The following IDO1 variants were observed in gnomAD, a reference collection of about 807,000 sequenced individuals.
The protein encoded by IDO1 is indoleamine 2,3-dioxygenase 1.
IDO1 carries 35 observed loss-of-function variants against 38.8 expected under a neutral mutation model. The observed-to-expected ratio is 0.90, with a 90% CI of 0.69 to 1.20. IDO1 has a LOEUF of 1.20. IDO1 is among the 50% of genes most tolerant of loss of function. IDO1 has a pLI of 0.00. For missense variants in IDO1, 509 were observed against 485.1 expected (o/e 1.05, Z -0.46); for synonymous variants, 171 against 170.0 (o/e 1.01, Z -0.05).
rs370645816 is a variant in IDO1, at chr8:39,928,602, G to A, written c.*417G>A. On this transcript the variant is annotated 3_prime_UTR_variant, in exon 10 of 10. Transcript: ENST00000518237. Reference sequence around the variant, plus strand: ...CAAAAAATTAGCCGGGCGCGGTGGCGGGCACCTGTAGTCCCAGCTACTCGG... The same window carrying A: ...CAAAAAATTAGCCGGGCGCGGTGGCAGGCACCTGTAGTCCCAGCTACTCGG... 9.7e-4 allele frequency among the ~76,000 whole-genome samples: 147 copies of A among 151,900 alleles called. 5 individuals are homozygous for A. In the East Asian group the frequency reaches 0.024, roughly 25 times the overall value.
In IDO1 at chr8:39,922,655, C is replaced by T. The variant is rs551433293; in HGVS notation, c.537+4C>T. 2.7e-4 allele frequency: 436 copies of T among 1,590,366 alleles called. 6 individuals are homozygous for T. In the South Asian group the frequency reaches 4.5e-3, roughly 16 times the overall value. On this transcript the variant is annotated splice_donor_region_variant and intron_variant, in intron 6 of 9. Coordinates refer to ENST00000518237, the MANE Select transcript of IDO1 (RefSeq NM_002164.6). ...AGCAGCTGCTTCTGCAATCAAAGTACGTCTATCCTCACTTCAAAATTTATA... is the reference window on the plus strand; with the variant it reads ...AGCAGCTGCTTCTGCAATCAAAGTATGTCTATCCTCACTTCAAAATTTATA...
At chr8:39,916,341 A>G (rs112923421) in intron 1 of IDO1, among the ~76,000 whole-genome samples, 1,519 of 151,766 alleles carry the variant, frequency 0.01, 26 homozygotes, top group African/African-American at 0.034. Flanking sequence ...ATTACCCAGC[A>G]TGTTGGTGTG....
chr8:39,925,129 C>T (rs1163523384), intron 8 of IDO1, 94 bp from the exon 9 acceptor site: 2 of 1,168,584 alleles, frequency 1.7e-6, no homozygotes, highest in African/African-American at 1.6e-5. Context: ...TCTCTTGTCA[C>T]CTTCTGTTCA....
chr8:39,915,471 T>C (rs975310799), intron 1 of IDO1, among the ~76,000 whole-genome samples: 1 of 152,218 alleles, frequency 6.6e-6, no homozygotes, highest in Non-Finnish European at 1.5e-5. Flanking sequence ...GTAAACAATT[T>C]GGTGATACTG....
intron 2 of IDO1, 57 bp from the exon 3 acceptor site, chr8:39,918,031 T>A: frequency 6.2e-7 from 1 of 1,612,118 alleles, no homozygotes; most frequent in Non-Finnish European, 8.5e-7. Flanking sequence ...TAACTTGGTT[T>A]TGAAGCATAA....
Position 39,925,304 on chromosome 8 carries a change from T to A in IDO1, c.789T>A (p.Ser263Arg), listed in dbSNP as rs1212532384. 3 of 1,613,158 alleles carry A rather than the reference T, an allele frequency of 1.9e-6. No homozygotes were observed. The African/African-American group carries it at 4.0e-5, about 22-fold the overall frequency. The change falls in exon 9 of 10, where the codon AGT becomes AGA. Residue 263 changes from serine (S) to arginine (R), a missense_variant. By Grantham distance (110) the Ser-to-Arg change is moderately radical (BLOSUM62 -1). Coordinates refer to ENST00000518237, the MANE Select transcript of IDO1 (RefSeq NM_002164.6). ...ACCCAAAGGAGTTTGCAGGGGGCAG[T>A]GCAGGCCAAAGCAGCGTCTTTCAGT... ...WEDPKEFAGG[S>R]AGQSSVFQCF...
At chr8:39,926,235 TTGGC>T (rs1807358083) in intron 9 of IDO1, among the ~76,000 whole-genome samples, 1 of 152,184 alleles carries the variant, frequency 6.6e-6, no homozygotes, top group African/African-American at 2.4e-5. Flanking sequence ...ATAAAATAAA[TTGGC>T]AGAGCTTTCC....
At chr8:39,918,770 C>G (rs4259403) in intron 3 of IDO1, 45 bp from the exon 4 acceptor site, 6 of 275,460 alleles carry the variant, frequency 2.2e-5, no homozygotes, top group African/African-American at 1.9e-4. Flanking sequence ...AAAAAAAAAA[C>G]AACAACAACA....
rs367882340 is a variant in IDO1 at position 39,918,668 on chromosome 8, C to T, written c.304-147C>T. 48 of 560,864 alleles carry T rather than the reference C, an allele frequency of 8.6e-5. No individual in the cohort carries two copies. The East Asian group carries it at 1.3e-3, about 16-fold the overall frequency. The allele number at this position is 560,864 out of a possible 1,614,324, so 34.7% of individuals were successfully genotyped here. A position where few individuals can be genotyped will look rare whatever the true frequency, so the allele number is the denominator to read the frequency against. On this transcript the variant is annotated intron_variant, in intron 3 of 9. Transcript: ENST00000518237. ...GGCTGAGGTGGGAGAATCACTTGAACCTGGGAGGCAGAGGTTGCAGTGAGC... is the reference window on the plus strand; with the variant it reads ...GGCTGAGGTGGGAGAATCACTTGAATCTGGGAGGCAGAGGTTGCAGTGAGC...
intron 9 of IDO1, among the ~76,000 whole-genome samples, chr8:39,926,726 G>A (rs1412607469): frequency 6.6e-6 from 1 of 152,008 alleles, no homozygotes; most frequent in African/African-American, 2.4e-5. Context: ...TACATGTGCA[G>A]GCTTATTACA....
chr8:39,923,584 A>C lies in IDO1; in HGVS notation c.653A>C (p.His218Pro). ...GCCCTTCAAGTGTTTCACCAAATCC[A>C]CGGCAAGTGTTGTGTGCAGTGCAAT... The part of the protein sequence containing the change: ...EKALQVFHQI[H>P]DHVNPKAFFS... The change falls in exon 7 of 10, where the codon CAC becomes CCC. Residue 218 changes from histidine to proline, a missense_variant and splice_region_variant. Transcript: ENST00000518237. The C allele has an allele frequency of 3.2e-6, 5 of 1,582,790 alleles. No individual in the cohort carries two copies. Among genetic ancestry groups the C allele is most frequent in the Non-Finnish European group, 4.3e-6 (5 of 1,151,664 alleles).
chr8:39,922,193 GT>G (rs1404243109), intron 5 of IDO1, among the ~76,000 whole-genome samples: 1 of 152,090 alleles, frequency 6.6e-6, no homozygotes, highest in African/African-American at 2.4e-5. Context: ...TAGAGACGGG[GT>G]TTCACCACAT....
chr8:39,923,790 A>C, intron 7 of IDO1: 1 of 396,418 alleles, frequency 2.5e-6, no homozygotes, highest in South Asian at 4.7e-5. Context: ...ATTCAGAAAG[A>C]CAGGGTAAAT....
Position 39,928,010 on chromosome 8 carries a change from A to G in IDO1, c.1037A>G (p.His346Arg), listed in dbSNP as rs1026701589. The change falls in exon 10 of 10, where the codon CAT becomes CGT. Residue 346 changes from histidine (H) to arginine (R), a missense_variant. His to Arg is a conservative substitution (Grantham distance 29). Transcript: ENST00000518237. ...GCTCTGGTCTCCCTGAGGAGCTACC[A>G]TCTGCAAATCGTGACTAAGTACATC... ...VKALVSLRSY[H>R]LQIVTKYILI... 8 of 1,606,634 alleles carry G rather than the reference A, an allele frequency of 5.0e-6. No individual in the cohort carries two copies. The Admixed American group carries it at 1.4e-4, about 27-fold the overall frequency.
At chr8:39,914,128 C>T (rs1807138160) in intron 1 of IDO1, 119 bp downstream of exon 1, 2 of 677,834 alleles carry the variant, frequency 3.0e-6, no homozygotes, top group South Asian at 3.7e-5. Flanking sequence ...ACACATAAAG[C>T]TGTGTAAAAA....
At position 39,928,093 on chromosome 8, in the gene IDO1, C is replaced by G; in HGVS notation, c.1120C>G (p.Leu374Val). 1.2e-6 allele frequency: 2 copies of G among 1,613,408 alleles called. No individual in the cohort carries two copies. The highest frequency in any genetic ancestry group is 1.7e-6 in the Non-Finnish European group (2 of 1,179,662). ...ENKTSEDPSK[L>V]EAKGTGGTDL... is the part of the protein sequence containing the mutation. The stretch of plus-strand genomic sequence containing the variant: ...TAAGACCTCTGAAGACCCTTCAAAA[C>G]TGGAAGCCAAAGGAACTGGAGGCAC... The change falls in exon 10 of 10, where the codon CTG (leucine) becomes GTG (valine). Residue 374 changes from leucine (L) to valine (V), a missense_variant. Leu to Val is a conservative substitution (Grantham distance 32). Coordinates refer to ENST00000518237, the MANE Select transcript of IDO1 (RefSeq NM_002164.6).
intron 9 of IDO1, among the ~76,000 whole-genome samples, chr8:39,926,897 T>G (rs753881603): frequency 2.6e-5 from 4 of 152,186 alleles, no homozygotes; most frequent in Non-Finnish European, 5.9e-5. Flanking sequence ...TTTGTGTCCA[T>G]GTGTACTCAA....
In IDO1 at chr8:39,926,287, A is replaced by G. The variant is rs371318592; in HGVS notation, c.856+916A>G. ...TCCATCTTGAAATCTGAACATGTCT[A>G]TAAAGACTGGTTGACTCCGGTGAAG... On this transcript the variant is annotated intron_variant, in intron 9 of 9. Coordinates refer to ENST00000518237, the MANE Select transcript of IDO1 (RefSeq NM_002164.6). Among the ~76,000 whole-genome samples the G allele has an allele frequency of 5.3e-5, 8 of 152,354 alleles. No homozygotes were observed. In the East Asian group the frequency reaches 5.8e-4, roughly 11 times the overall value.
chr8:39,923,743 G>T (rs924745754), intron 7 of IDO1, 157 bp downstream of exon 7: 1 of 481,378 alleles, frequency 2.1e-6, no homozygotes, highest in Admixed American at 3.7e-5. Context: ...TATGTGGTAG[G>T]TTTCATTATC....
Sources: gnomAD v4.1 joint callset for allele counts (sites outside exome capture counted in the v4.1 genomes callset) on GRCh38, gnomAD v4.1.1 for gene constraint, MANE v1.5 for transcripts, NCBI Gene and HGNC (gene_info 2026-07-23, HGNC 2026-07-21) for gene names.